The following MYO3B variants were observed in gnomAD, a reference collection of about 807,000 sequenced individuals.
MYO3B encodes the protein myosin-IIIb.
Under a neutral mutation model 174.6 loss-of-function variants are expected in MYO3B, and 156 were observed. The observed-to-expected ratio is 0.89, with a 90% CI of 0.78 to 1.02. The LOEUF (loss-of-function observed/expected upper bound fraction) is 1.02, where lower values mean the gene tolerates loss of function less well. MYO3B is among the 50% of genes least tolerant of loss of function. MYO3B has a pLI of 0.00. For missense variants in MYO3B, 1,632 were observed against 1,639.4 expected (o/e 1.00, Z 0.08); for synonymous variants, 563 against 569.1 (o/e 0.99, Z 0.15).
At chr2:170,333,792 C>T (rs934992576) in intron 7 of MYO3B, 2 of 152,168 alleles carry the variant, frequency 1.3e-5, no homozygotes, top group African/African-American at 4.8e-5. Flanking sequence ...TAAGCAGCAT[C>T]TTAATTATTC....
Position 170,440,541 on chromosome 2 carries a change from G to A in MYO3B, c.2651-3426G>A, listed in dbSNP as rs570243597. Among the ~76,000 whole-genome samples, 3 of 152,078 alleles carry A rather than the reference G, an allele frequency of 2.0e-5. No individual in the cohort carries two copies. The East Asian group carries it at 5.8e-4, about 29-fold the overall frequency. On this transcript the variant is annotated intron_variant, in intron 22 of 34. Coordinates refer to ENST00000408978, the MANE Select transcript of MYO3B (RefSeq NM_138995.5). The stretch of plus-strand genomic sequence containing the variant: ...ATTATATTTTGATGCTATTTTAAAT[G>A]GAATTATTTCCTTAATTTCTTTTTT...
chr2:170,558,303 C>CA (rs796376034), intron 32 of MYO3B, among the ~76,000 whole-genome samples: 4,505 of 120,042 alleles, frequency 0.038, 112 homozygotes, highest in Admixed American at 0.099. Flanking sequence ...ACTCTGTCTC[C>CA]AAAAAAAAAA....
intron 22 of MYO3B, among the ~76,000 whole-genome samples, chr2:170,409,722 C>T (rs559313021): frequency 2.6e-5 from 4 of 152,334 alleles, no homozygotes; most frequent in East Asian, 1.9e-4. Flanking sequence ...AAAGGTAATA[C>T]GGCTTTGCCG....
intron 7 of MYO3B, among the ~76,000 whole-genome samples, chr2:170,325,535 T>G (rs2093860264): frequency 6.6e-6 from 1 of 152,160 alleles, no homozygotes; most frequent in Non-Finnish European, 1.5e-5. Context: ...ATATTAAATT[T>G]TCTTTGTTCA....
At chr2:170,335,024 G>A (rs1301186973) in intron 7 of MYO3B, 1 of 187,966 alleles carries the variant, frequency 5.3e-6, no homozygotes, top group African/African-American at 2.3e-5. Flanking sequence ...TTTCACTAAA[G>A]CCCCTAGCAC....
At chr2:170,219,394 A>G (rs976355060) in intron 6 of MYO3B, among the ~76,000 whole-genome samples, 148 of 152,220 alleles carry the variant, frequency 9.7e-4, no homozygotes, top group Non-Finnish European at 2.5e-4. Context: ...CTGTAATCCC[A>G]GCACTTTGGG....
rs1559074486 is a variant in MYO3B at position 170,515,024 on chromosome 2, T to C, written c.3472+2T>C. ...GCAGCGAGCCTGGTGACCATAAAGGTAGAGTCTTTCGAGATTTAGAATGAG... is the reference window on the plus strand; with the variant it reads ...GCAGCGAGCCTGGTGACCATAAAGGCAGAGTCTTTCGAGATTTAGAATGAG... On this transcript the variant is annotated splice_donor_variant, in intron 29 of 34. Coordinates refer to ENST00000408978, the MANE Select transcript of MYO3B (RefSeq NM_138995.5). LOFTEE classifies it high-confidence loss of function. 6.2e-7 allele frequency: 1 copy of C among 1,612,944 alleles called. No homozygotes were observed. The highest frequency in any genetic ancestry group is 1.1e-5 in the South Asian group (1 of 90,786).
intron 8 of MYO3B, among the ~76,000 whole-genome samples, chr2:170,357,592 TTATCAC>T (rs1034999565): frequency 2.4e-4 from 36 of 152,110 alleles, no homozygotes; most frequent in African/African-American, 7.9e-4. Flanking sequence ...TTATCTTTCC[TTATCAC>T]ATATACCTTT....
intron 22 of MYO3B, among the ~76,000 whole-genome samples, chr2:170,409,349 C>G (rs372700902): frequency 1.3e-5 from 2 of 152,174 alleles, no homozygotes; most frequent in African/African-American, 4.8e-5. Flanking sequence ...TCTTTTTTAC[C>G]CCTCCCAAAG....
intron 7 of MYO3B, among the ~76,000 whole-genome samples, chr2:170,262,105 G>A (rs547310270): frequency 3.3e-5 from 5 of 152,292 alleles, no homozygotes; most frequent in African/African-American, 7.2e-5. Flanking sequence ...CTCTGGAAAT[G>A]TAAAGGGGAA....
At chr2:170,500,956 A>G (rs1358763090) in intron 27 of MYO3B, among the ~76,000 whole-genome samples, 1 of 152,240 alleles carries the variant, frequency 6.6e-6, no homozygotes, top group African/African-American at 2.4e-5. Flanking sequence ...TGATTATGAA[A>G]GCACCAGATC....
chr2:170,312,069 G>T (rs1401285), intron 7 of MYO3B, among the ~76,000 whole-genome samples: 1 of 152,006 alleles, frequency 6.6e-6, no homozygotes, highest in African/African-American at 2.4e-5. Context: ...ATTGCTTTTC[G>T]CACGGGGTAA....
intron 32 of MYO3B, among the ~76,000 whole-genome samples, chr2:170,580,521 C>T (rs887293858): frequency 7.2e-5 from 11 of 152,212 alleles, no homozygotes; most frequent in South Asian, 2.1e-4. Flanking sequence ...GCCTGTAATC[C>T]CAGCTACTTG....
intron 28 of MYO3B, among the ~76,000 whole-genome samples, chr2:170,511,070 T>C (rs981763119): frequency 6.6e-6 from 1 of 151,374 alleles, no homozygotes; most frequent in African/African-American, 2.4e-5. Context: ...TGTTTTTTTT[T>C]TTTTTTTGAG....
At chr2:170,420,193 C>A (rs1451427139) in intron 22 of MYO3B, among the ~76,000 whole-genome samples, 1 of 151,514 alleles carries the variant, frequency 6.6e-6, no homozygotes, top group Non-Finnish European at 1.5e-5. Flanking sequence ...TCTCAAAAAA[C>A]AAACAAACAA....
At chr2:170,352,882 C>T (rs1215903810) in intron 8 of MYO3B, among the ~76,000 whole-genome samples, 1 of 152,086 alleles carries the variant, frequency 6.6e-6, no homozygotes, top group Non-Finnish European at 1.5e-5. Context: ...ATTGGAATGA[C>T]CAAAATCTGG....
At chr2:170,535,640 G>T (rs1365056421) in intron 30 of MYO3B, among the ~76,000 whole-genome samples, 1 of 152,200 alleles carries the variant, frequency 6.6e-6, no homozygotes, top group Admixed American at 6.5e-5. Flanking sequence ...TACTCAAATA[G>T]CCCAAGCTTG....
In MYO3B at chr2:170,537,448, ATTTTTTTTTTTTTTTTT is replaced by A. The variant is rs559086883; in HGVS notation, c.3576-5441_3576-5425del. 4.1e-3 allele frequency among the ~76,000 whole-genome samples: 225 copies of A among 54,866 alleles called. 9 individuals carry two copies. Among genetic ancestry groups the A allele is most frequent in the East Asian group, 0.024 (33 of 1,384 alleles). 36.0% of individuals were successfully genotyped at this position (54,866 alleles called of 152,430 possible). On this transcript the variant is annotated intron_variant, in intron 30 of 34. Coordinates refer to ENST00000408978, the MANE Select transcript of MYO3B (RefSeq NM_138995.5). ...ACCTTCTCTTATTAAGAGCTCTTTG[ATTTTTTTTTTTTTTTTT>A]TTTTTTTTTTTTTTTTGGTGGGGAA...
intron 25 of MYO3B, among the ~76,000 whole-genome samples, chr2:170,490,138 C>G (rs573667929): frequency 1.3e-5 from 2 of 151,372 alleles, no homozygotes; most frequent in South Asian, 4.2e-4. Flanking sequence ...AAGCCATTCT[C>G]CTGCCTCAGC....
Sources: allele counts gnomAD v4.1 joint callset (sites outside exome capture counted in the v4.1 genomes callset), GRCh38; gene constraint gnomAD v4.1.1; transcripts MANE v1.5; gene names NCBI Gene and HGNC (gene_info 2026-07-23, HGNC 2026-07-21).